The following AMMECR1L variants were observed in gnomAD, a reference collection of about 807,000 sequenced individuals.
The protein encoded by AMMECR1L is AMMECR1-like protein.
A neutral mutation model predicts 36.8 loss-of-function variants in AMMECR1L; 4 were observed. The observed-to-expected ratio is 0.11, with a 90% CI of 0.05 to 0.25. The LOEUF (loss-of-function observed/expected upper bound fraction) is 0.25, where lower values mean the gene tolerates loss of function less well. AMMECR1L is among the 10% of genes least tolerant of loss of function. AMMECR1L has a pLI of 1.00. For missense variants in AMMECR1L, 232 were observed against 392.1 expected (o/e 0.59, Z 3.45); for synonymous variants, 147 against 148.0 (o/e 0.99, Z 0.05).
intron 2 of AMMECR1L, among the ~76,000 whole-genome samples, chr2:127,879,145 A>G (rs1691375763): frequency 6.6e-6 from 1 of 152,196 alleles, no homozygotes; most frequent in African/African-American, 2.4e-5. Flanking sequence ...CAAAAAGCAA[A>G]TATTAACTTG....
In AMMECR1L at chr2:127,871,131, A is replaced by G; in HGVS notation, c.518+118T>C. 3 of 1,173,108 alleles carry G rather than the reference A, an allele frequency of 2.6e-6. No individual in the cohort carries two copies. The highest frequency in any genetic ancestry group is 2.2e-5 in the Admixed American group (1 of 44,724). The allele number at this position is 1,173,108 out of a possible 1,614,324, so 72.7% of individuals were successfully genotyped here. On this transcript the variant is annotated intron_variant, in intron 4 of 7. Coordinates refer to ENST00000272647, the MANE Select transcript of AMMECR1L (RefSeq NM_001199140.2). The surrounding 1 kb of genome is among the most constrained non-coding windows in gnomAD (Gnocchi z 4.3). The stretch of plus-strand genomic sequence containing the variant: ...TGACTCACCAGATTAAGCCCCTTAC[A>G]TTTCCTGATTACCAAAAAGAGAAAG...
chr2:127,876,957 C>CA (rs1373324303), intron 2 of AMMECR1L, among the ~76,000 whole-genome samples: 1 of 151,394 alleles, frequency 6.6e-6, no homozygotes, highest in African/African-American at 2.4e-5. Flanking sequence ...GTGGAAGTTG[C>CA]AGTAAGCTGA....
chr2:127,885,678 G>C, intron 1 of AMMECR1L, 132 bp downstream of exon 1: 1 of 983,934 alleles, frequency 1.0e-6, no homozygotes, highest in Non-Finnish European at 1.2e-6. Context: ...CTCGCCCCAG[G>C]ACCGCGGGGT....
Position 127,885,805 on chromosome 2 carries a change from CCCA to C in AMMECR1L, c.-149+2_-149+4del. The stretch of plus-strand genomic sequence containing the variant: ...GAAGGGTGCGGCGCAGCCCGAGTTT[CCCA>C]CCTTTTCTCCTGGCCCAGACGCGGC... On this transcript the variant is annotated splice_donor_variant and splice_donor_region_variant and intron_variant, in intron 1 of 7. Coordinates refer to ENST00000272647, the MANE Select transcript of AMMECR1L (RefSeq NM_001199140.2). LOFTEE classifies it low-confidence loss of function (5UTR_SPLICE). 1.0e-6 allele frequency: 1 copy of C among 984,998 alleles called. No homozygotes were observed. Among genetic ancestry groups the C allele is most frequent in the Non-Finnish European group, 1.2e-6 (1 of 829,758 alleles). The allele number at this position is 984,998 out of a possible 1,614,324, so 61.0% of individuals were successfully genotyped here.
chr2:127,877,780 G>C (rs1012714648), intron 2 of AMMECR1L, among the ~76,000 whole-genome samples: 1 of 152,198 alleles, frequency 6.6e-6, no homozygotes, highest in African/African-American at 2.4e-5. Context: ...TTCTGGGCTG[G>C]GAGTGGTGAC....
In AMMECR1L at chr2:127,871,666, C is replaced by T. The variant is rs1304440737; in HGVS notation, c.408-307G>A. Among the ~76,000 whole-genome samples the T allele has an allele frequency of 6.6e-6, 1 of 152,154 alleles. No homozygotes were observed. On this transcript the variant is annotated intron_variant, in intron 3 of 7. Transcript: ENST00000272647. This position sits in a 1 kb window ranked among gnomAD's most constrained non-coding sequence, Gnocchi z 4.3. ...TCCTCTTTCTCTGCCCAAGACTCAACTTTTCCTTCGAATTCTCCAGTTTCC... is the reference window on the plus strand; with the variant it reads ...TCCTCTTTCTCTGCCCAAGACTCAATTTTTCCTTCGAATTCTCCAGTTTCC...
Position 127,873,984 on chromosome 2 carries a change from C to T in AMMECR1L, c.251G>A (p.Gly84Glu). Reference sequence around the variant, plus strand: ...AGGCCGGGGAAGAGGGCTCAGCGCTCCCGATGCGGGATTCATTCGTGTGAT... The same window carrying T: ...AGGCCGGGGAAGAGGGCTCAGCGCTTCCGATGCGGGATTCATTCGTGTGAT... The part of the protein sequence containing the change: ...SPITRMNPAS[G>E]ALSPLPRPNG... Residue 84 changes from glycine to glutamate, a missense_variant, in exon 3 of 8, where the codon GGA (glycine) becomes GAA (glutamate). Physicochemically the swap from Gly to Glu is moderately conservative, Grantham distance 98. Around this residue, in one of 3 missense-constraint regions of AMMECR1L, gnomAD observed 109 missense variants for 128.1 expected, o/e 0.85. Coordinates refer to ENST00000272647, the MANE Select transcript of AMMECR1L (RefSeq NM_001199140.2). This position sits in a 1 kb window ranked among gnomAD's most constrained non-coding sequence, Gnocchi z 5.2. The T allele has an allele frequency of 6.2e-7, 1 of 1,614,222 alleles. No individual in the cohort carries two copies. Among genetic ancestry groups the T allele is most frequent in the Non-Finnish European group, 8.5e-7 (1 of 1,180,054 alleles).
At chr2:127,877,718 T>A (rs1387205473) in intron 2 of AMMECR1L, among the ~76,000 whole-genome samples, 1 of 152,062 alleles carries the variant, frequency 6.6e-6, no homozygotes, top group East Asian at 1.9e-4. Flanking sequence ...GCCAATAATA[T>A]CCACTGGATT....
intron 2 of AMMECR1L, among the ~76,000 whole-genome samples, chr2:127,881,678 C>A (rs1217448261): frequency 6.6e-6 from 1 of 152,224 alleles, no homozygotes; most frequent in African/African-American, 2.4e-5. Flanking sequence ...TAAGTGTCTG[C>A]TGTTACCAAT....
At position 127,869,575 on chromosome 2, in the gene AMMECR1L, C is replaced by T. The variant is rs1223879286; in HGVS notation, c.634-31G>A. ...GAAAAAAGTACAACCAAGTAAATGG[C>T]ATTTACTTACTCTAATGGAACTTCA... On this transcript the variant is annotated intron_variant, in intron 5 of 7. Coordinates refer to ENST00000272647, the MANE Select transcript of AMMECR1L (RefSeq NM_001199140.2). This position sits in a 1 kb window ranked among gnomAD's most constrained non-coding sequence, Gnocchi z 4.7. The T allele has an allele frequency of 1.3e-6, 2 of 1,547,132 alleles. No homozygotes were observed. Among genetic ancestry groups the T allele is most frequent in the Admixed American group, 1.7e-5 (1 of 59,922 alleles).
At chr2:127,885,694 C>G in intron 1 of AMMECR1L, 116 bp downstream of exon 1, 4 of 982,406 alleles carry the variant, frequency 4.1e-6, no homozygotes, top group Non-Finnish European at 4.8e-6. Flanking sequence ...GGGGTCTCTT[C>G]CCGGCCCCGC....
In AMMECR1L at chr2:127,861,848, T is replaced by G. The variant is rs1690482278; in HGVS notation, c.*3246A>C. The G allele has an allele frequency of 6.6e-6, 1 of 152,326 alleles. No homozygotes were observed. Among genetic ancestry groups the G allele is most frequent in the Non-Finnish European group, 1.5e-5 (1 of 67,992 alleles). The allele number at this position is 152,326 out of a possible 1,614,324, so 9.4% of individuals were successfully genotyped here. A position where few individuals can be genotyped will look rare whatever the true frequency, so the allele number is the denominator to read the frequency against. On this transcript the variant is annotated 3_prime_UTR_variant, in exon 8 of 8. Transcript: ENST00000272647. Reference sequence around the variant, plus strand: ...TAGGCTCCAGAATCTCAATAGAAAATAACGTCAACAGTTAGTGAAATTGTA... The same window carrying G: ...TAGGCTCCAGAATCTCAATAGAAAAGAACGTCAACAGTTAGTGAAATTGTA...
At chr2:127,877,100 CA>C (rs1268077899) in intron 2 of AMMECR1L, among the ~76,000 whole-genome samples, 2 of 150,258 alleles carry the variant, frequency 1.3e-5, no homozygotes, top group African/African-American at 4.9e-5. Flanking sequence ...TGTTAAGCAT[CA>C]ATACTTTTAG....
At chr2:127,877,336 AT>A (rs71394702) in intron 2 of AMMECR1L, among the ~76,000 whole-genome samples, 60,650 of 139,212 alleles carry the variant, frequency 0.44, 12,477 homozygotes, top group South Asian at 0.63. Flanking sequence ...CAGCGCTAGA[AT>A]TTTTTTTTTT....
At chr2:127,883,011 C>CT (rs1691581510) in intron 2 of AMMECR1L, among the ~76,000 whole-genome samples, 1 of 151,400 alleles carries the variant, frequency 6.6e-6, no homozygotes, top group South Asian at 2.1e-4. Context: ...TCTCAAGTTG[C>CT]TGGGGCTACA....
chr2:127,874,563 T>G lies in AMMECR1L; in HGVS notation c.-38-291A>C, dbSNP rs1573551908. On this transcript the variant is annotated intron_variant, in intron 2 of 7. Transcript: ENST00000272647. This position sits in a 1 kb window ranked among gnomAD's most constrained non-coding sequence, Gnocchi z 5.2. ...AGACAGGGTGGGGCACCAGCCAGCGTGAAGCTGGCTGAGGACATTTCCAGA... is the reference window on the plus strand; with the variant it reads ...AGACAGGGTGGGGCACCAGCCAGCGGGAAGCTGGCTGAGGACATTTCCAGA... Among the ~76,000 whole-genome samples, 1 of 152,224 alleles carries G rather than the reference T, an allele frequency of 6.6e-6. No homozygotes were observed. The highest frequency in any genetic ancestry group is 1.5e-5 in the Non-Finnish European group (1 of 68,038).
intron 2 of AMMECR1L, among the ~76,000 whole-genome samples, chr2:127,882,605 T>C (rs1011592839): frequency 4.6e-5 from 7 of 152,192 alleles, no homozygotes; most frequent in African/African-American, 1.7e-4. Context: ...TGTTCCTTTT[T>C]GTTTTGGAGA....
At chr2:127,870,778 C>A in intron 5 of AMMECR1L, 36 bp downstream of exon 5, 4 of 1,538,440 alleles carry the variant, frequency 2.6e-6, no homozygotes, top group Non-Finnish European at 3.6e-6. Flanking sequence ...CCAAATGCAA[C>A]GAGAGATGCA....
At position 127,871,113 on chromosome 2, in the gene AMMECR1L, C is replaced by A; in HGVS notation, c.518+136G>T. 2 of 1,024,334 alleles carry A rather than the reference C, an allele frequency of 2.0e-6. No homozygotes were observed. The highest frequency in any genetic ancestry group is 1.6e-5 in the South Asian group (1 of 63,284). 63.5% of individuals were successfully genotyped at this position (1,024,334 alleles called of 1,614,324 possible). On this transcript the variant is annotated intron_variant, in intron 4 of 7. Transcript: ENST00000272647. This position sits in a 1 kb window ranked among gnomAD's most constrained non-coding sequence, Gnocchi z 4.3. Reference sequence around the variant, plus strand: ...TGTACTTGAACTGATAACTGACTCACCAGATTAAGCCCCTTACATTTCCTG... The same window carrying A: ...TGTACTTGAACTGATAACTGACTCAACAGATTAAGCCCCTTACATTTCCTG...
Sources: allele counts gnomAD v4.1 joint callset (sites outside exome capture counted in the v4.1 genomes callset), GRCh38; gene constraint gnomAD v4.1.1; regional missense constraint gnomAD v4.1.1; non-coding constraint Gnocchi (gnomAD v3.1); transcripts MANE v1.5; gene names NCBI Gene and HGNC (gene_info 2026-07-23, HGNC 2026-07-21).